SCAP: variants seen among roughly 807,000 people sequenced by gnomAD.
The protein encoded by SCAP is SREBF chaperone.
In SCAP, 65 loss-of-function variants were observed where a neutral mutation model predicts 123.6. The observed-to-expected ratio is 0.53, with a 90% CI of 0.43 to 0.65. The LOEUF is 0.65. Among genes scored for constraint, SCAP ranks in the 30% least tolerant of loss-of-function variants. SCAP has a pLI of 0.00. For missense variants in SCAP, 1,398 were observed against 1,712.5 expected, an observed-to-expected ratio of 0.82 and a Z score of 3.24; for synonymous variants, 740 against 726.3, an observed-to-expected ratio of 1.02 and a Z score of -0.30.
intron 1 of SCAP, among the ~76,000 whole-genome samples, chr3:47,474,622 C>T (rs1474314423): frequency 6.6e-6 from 1 of 152,052 alleles, no homozygotes; most frequent in Non-Finnish European, 1.5e-5. Flanking sequence ...CAGCAAGACC[C>T]CCATCTCTAC....
rs959574128 is a variant in SCAP at position 47,451,862 on chromosome 3, G to A, written c.-98-8771C>T. ...CTCAGGGCTCTGCACAACCCACCCC[G>A]GTCCTCTGCAACTTCACTTCGTGTC... On this transcript the variant is annotated intron_variant, in intron 1 of 22. Coordinates refer to ENST00000265565, the MANE Select transcript of SCAP (RefSeq NM_012235.4). Among the ~76,000 whole-genome samples the A allele has an allele frequency of 3.1e-5, 2 of 64,342 alleles. 1 individual carries two copies. The highest frequency in any genetic ancestry group is 7.3e-5 in the Non-Finnish European group (2 of 27,322). The allele number at this position is 64,342 out of a possible 152,430, so 42.2% of individuals were successfully genotyped here.
At chr3:47,459,282 A>T (rs1707539796) in intron 1 of SCAP, among the ~76,000 whole-genome samples, 1 of 152,224 alleles carries the variant, frequency 6.6e-6, no homozygotes, top group Non-Finnish European at 1.5e-5. Context: ...ATCAGGCCAC[A>T]CAGGCTAAAC....
At chr3:47,470,811 G>A (rs760674994) in intron 1 of SCAP, among the ~76,000 whole-genome samples, 15 of 152,072 alleles carry the variant, frequency 9.9e-5, no homozygotes, top group African/African-American at 1.9e-4. Flanking sequence ...GCAGTGAGCC[G>A]AGATCGCACC....
At chr3:47,447,639 A>T (rs1002739366) in intron 1 of SCAP, among the ~76,000 whole-genome samples, 2 of 151,756 alleles carry the variant, frequency 1.3e-5, no homozygotes, top group African/African-American at 4.8e-5. Flanking sequence ...AGTGAGCCAA[A>T]GACTGTGCCA....
chr3:47,418,626 T>TTGGCCCC, intron 14 of SCAP, 29 bp downstream of exon 14: 2 of 1,459,550 alleles, frequency 1.4e-6, no homozygotes, highest in Non-Finnish European at 9.5e-7. Flanking sequence ...CCGCACTCTT[T>TTGGCCCC]CCCACCCCAC....
intron 16 of SCAP, 33 bp from the exon 17 acceptor site, chr3:47,417,859 A>ACGGGGGAGGGGGGTGAGGGGG: frequency 1.6e-6 from 1 of 613,772 alleles, no homozygotes; most frequent in Non-Finnish European, 2.1e-6. Flanking sequence ...GAGAGGGGGC[A>ACGGGGGAGGGGGGTGAGGGGG]CGGGGGAGGG....
chr3:47,455,077 AT>A (rs1707368241), intron 1 of SCAP, among the ~76,000 whole-genome samples: 1 of 145,518 alleles, frequency 6.9e-6, no homozygotes, highest in Non-Finnish European at 1.5e-5. Context: ...ATATATATAT[AT>A]ATATATATAT....
At position 47,450,654 on chromosome 3, in the gene SCAP, C is replaced by T. The variant is rs1224386118; in HGVS notation, c.-98-7563G>A. Among the ~76,000 whole-genome samples, 11 of 119,140 alleles carry T rather than the reference C, an allele frequency of 9.2e-5. 4 individuals are homozygous for T. Among genetic ancestry groups the T allele is most frequent in the Admixed American group, 3.8e-4 (4 of 10,564 alleles). The allele number at this position is 119,140 out of a possible 152,430, so 78.2% of individuals were successfully genotyped here. Reference sequence around the variant, plus strand: ...TAGCCTGCCTATAGGCACGTACCACCATGAGAGATAATTTTTGGTAATTTT... The same window carrying T: ...TAGCCTGCCTATAGGCACGTACCACTATGAGAGATAATTTTTGGTAATTTT... On this transcript the variant is annotated intron_variant, in intron 1 of 22. Coordinates refer to ENST00000265565, the MANE Select transcript of SCAP (RefSeq NM_012235.4).
Position 47,427,245 on chromosome 3 carries a change from G to T in SCAP, c.649C>A (p.Pro217Thr), listed in dbSNP as rs773548561. ...AGGCTCACCCCGCTGTACTTCCCAG[G>T]AACACCAAATAACAAGTCTGCAAGC... ...ATLKDLLFGVPGKYSGVSLYT... is the reference protein window; with the variant it reads ...ATLKDLLFGVTGKYSGVSLYT... Residue 217 changes from proline to threonine, a missense_variant, in exon 6 of 23, where the codon CCT becomes ACT. By Grantham distance (38) the Pro-to-Thr change is conservative (BLOSUM62 -1). Around this residue, in one of 7 missense-constraint regions of SCAP, gnomAD observed 319 missense variants for 432.4 expected, o/e 0.74. Coordinates refer to ENST00000265565, the MANE Select transcript of SCAP (RefSeq NM_012235.4). 6.2e-7 allele frequency: 1 copy of T among 1,613,306 alleles called. No individual in the cohort carries two copies. The highest frequency in any genetic ancestry group is 1.1e-5 in the South Asian group (1 of 91,054).
intron 1 of SCAP, among the ~76,000 whole-genome samples, chr3:47,445,634 C>A (rs973519386): frequency 6.6e-6 from 1 of 152,070 alleles, no homozygotes; most frequent in Non-Finnish European, 1.5e-5. Flanking sequence ...TGCAGCAGCG[C>A]GATCTCAGCT....
rs565474471 is a variant in SCAP at position 47,450,516 on chromosome 3, T to G, written c.-98-7425A>C. On this transcript the variant is annotated intron_variant, in intron 1 of 22. Coordinates refer to ENST00000265565, the MANE Select transcript of SCAP (RefSeq NM_012235.4). ...GTAATGTGATTATATGCAGGGTTTTTTTTTTTTTTTCCTTGAGACAGAGTC... is the reference window on the plus strand; with the variant it reads ...GTAATGTGATTATATGCAGGGTTTTGTTTTTTTTTTCCTTGAGACAGAGTC... 1.9e-3 allele frequency among the ~76,000 whole-genome samples: 227 copies of G among 121,836 alleles called. 61 individuals carry two copies. In the Middle Eastern group the frequency reaches 0.035, roughly 19 times the overall value. The allele number at this position is 121,836 out of a possible 152,430, so 79.9% of individuals were successfully genotyped here.
chr3:47,459,962 G>A (rs1295145631), intron 1 of SCAP, among the ~76,000 whole-genome samples: 1 of 152,084 alleles, frequency 6.6e-6, no homozygotes, highest in Non-Finnish European at 1.5e-5. Flanking sequence ...CTCCCACCAG[G>A]AATGCATTCC....
intron 7 of SCAP, 64 bp downstream of exon 7, chr3:47,425,933 C>T: frequency 6.4e-7 from 1 of 1,566,422 alleles, no homozygotes; most frequent in Non-Finnish European, 8.7e-7. Flanking sequence ...GCCAGGGAAG[C>T]AGGTGACATG....
At chr3:47,433,647 A>G (rs1212876372) in intron 3 of SCAP, among the ~76,000 whole-genome samples, 1 of 152,144 alleles carries the variant, frequency 6.6e-6, no homozygotes, top group Non-Finnish European at 1.5e-5. Flanking sequence ...CAGGTGGATC[A>G]CCTGAGGTCA....
chr3:47,425,885 A>G, intron 7 of SCAP, 112 bp downstream of exon 7: 2 of 1,210,926 alleles, frequency 1.7e-6, no homozygotes, highest in Non-Finnish European at 2.3e-6. Flanking sequence ...GATGACCACC[A>G]GGTGTGTTCT....
chr3:47,415,083 C>T lies in SCAP; in HGVS notation c.3139+15G>A, dbSNP rs751685965. 7.5e-6 allele frequency: 12 copies of T among 1,595,062 alleles called. No homozygotes were observed. The highest frequency in any genetic ancestry group is 1.1e-5 in the South Asian group (1 of 88,312). ...CCACCAAGTGTGAACACCTGCCCAC[C>T]CCAGGCCCTCCGACCTCTAAACTGC... On this transcript the variant is annotated intron_variant, in intron 19 of 22. Coordinates refer to ENST00000265565, the MANE Select transcript of SCAP (RefSeq NM_012235.4).
At chr3:47,421,177 C>T in intron 10 of SCAP, 148 bp from the exon 11 acceptor site, 1 of 675,228 alleles carries the variant, frequency 1.5e-6, no homozygotes, top group Non-Finnish European at 2.7e-6. Context: ...GGTTGGTCCT[C>T]AGCTCACATA....
intron 1 of SCAP, among the ~76,000 whole-genome samples, chr3:47,443,456 TC>T (rs372087332): frequency 2.0e-5 from 3 of 151,500 alleles, no homozygotes; most frequent in African/African-American, 7.3e-5. Context: ...CAGGCATTCT[TC>T]CCCCCCCTCC....
intron 10 of SCAP, 83 bp downstream of exon 10, chr3:47,422,359 G>A (rs1256170538): frequency 1.6e-6 from 2 of 1,240,032 alleles, no homozygotes; most frequent in African/African-American, 1.5e-5. Context: ...CTGAAGAGGG[G>A]AGCACCCTGC....
Sources: allele counts gnomAD v4.1 joint callset (sites outside exome capture counted in the v4.1 genomes callset), GRCh38; gene constraint gnomAD v4.1.1; regional missense constraint gnomAD v4.1.1; transcripts MANE v1.5; gene names NCBI Gene and HGNC (gene_info 2026-07-23, HGNC 2026-07-21).